RBFOX1: variants seen among roughly 807,000 people sequenced by gnomAD.
RBFOX1 encodes the protein RNA binding fox-1 homolog 1, also known as RNA binding protein fox-1 homolog 1.
In RBFOX1, 8 loss-of-function variants were observed where a neutral mutation model predicts 57.7. The ratio of observed to expected loss-of-function variants is 0.14; its 90% CI spans 0.08 to 0.25. RBFOX1 has a LOEUF of 0.25. RBFOX1 is among the 10% of genes least tolerant of loss of function. The pLI is 1.00. For missense variants in RBFOX1, 611 were observed against 548.5 expected (o/e 1.11, Z -1.14); for synonymous variants, 326 against 222.4 (o/e 1.47, Z -4.15).
At chr16:5,595,620 A>T (rs527794345) in intron 2 of RBFOX1, among the ~76,000 whole-genome samples, 19 of 152,304 alleles carry the variant, frequency 1.2e-4, no homozygotes, top group African/African-American at 4.3e-4. Context: ...AATGATATGG[A>T]GGCTTATTGT....
intron 2 of RBFOX1, among the ~76,000 whole-genome samples, chr16:6,653,953 A>C (rs9922746): frequency 1.5e-4 from 20 of 137,192 alleles, no homozygotes; most frequent in Non-Finnish European, 3.1e-5. Flanking sequence ...AGGGTGGATG[A>C]AGGATGGATG....
chr16:6,925,817 T>A (rs2075472043), intron 3 of RBFOX1, among the ~76,000 whole-genome samples: 1 of 152,112 alleles, frequency 6.6e-6, no homozygotes, highest in East Asian at 1.9e-4. Flanking sequence ...CCTGGCGAAA[T>A]TACCTTTGGT....
intron 1 of RBFOX1, among the ~76,000 whole-genome samples, chr16:5,334,387 A>C (rs1253041767): frequency 6.6e-6 from 1 of 152,186 alleles, no homozygotes; most frequent in East Asian, 1.9e-4. Context: ...TTAAAATGGC[A>C]GTGCTTGTTC....
At chr16:6,509,485 A>C (rs1035678893) in intron 2 of RBFOX1, among the ~76,000 whole-genome samples, 1 of 152,156 alleles carries the variant, frequency 6.6e-6, no homozygotes, top group Non-Finnish European at 1.5e-5. Flanking sequence ...TAACACTTAA[A>C]ATAATTGAAC....
chr16:7,505,501 T>C (rs1036371477), intron 4 of RBFOX1, among the ~76,000 whole-genome samples: 2 of 152,226 alleles, frequency 1.3e-5, no homozygotes, highest in East Asian at 1.9e-4. Flanking sequence ...TTTGGAATTA[T>C]CACCTCAGAA....
intron 1 of RBFOX1, among the ~76,000 whole-genome samples, chr16:5,426,714 G>A (rs749729503): frequency 4.0e-4 from 61 of 152,092 alleles, no homozygotes; most frequent in South Asian, 6.2e-4. Context: ...TTCTGTTATC[G>A]CTCCAGGGAA....
chr16:7,024,371 G>C (rs1317691767), intron 3 of RBFOX1, among the ~76,000 whole-genome samples: 1 of 152,156 alleles, frequency 6.6e-6, no homozygotes, highest in East Asian at 1.9e-4. Flanking sequence ...GGGCAGTTGA[G>C]TGCAATGAAG....
intron 1 of RBFOX1, among the ~76,000 whole-genome samples, chr16:5,351,394 G>A (rs1025300285): frequency 5.3e-5 from 8 of 152,298 alleles, no homozygotes; most frequent in East Asian, 1.9e-4. Flanking sequence ...GAATAGTTAA[G>A]TGATTAGGGG....
intron 3 of RBFOX1, among the ~76,000 whole-genome samples, chr16:5,672,351 C>T (rs538123168): frequency 2.6e-4 from 40 of 152,244 alleles, no homozygotes; most frequent in African/African-American, 8.7e-4. Flanking sequence ...TGACTTCATG[C>T]CTGGTGCTGT....
chr16:7,117,891 G>T (rs921640384), intron 4 of RBFOX1, among the ~76,000 whole-genome samples: 22 of 152,132 alleles, frequency 1.4e-4, no homozygotes, highest in African/African-American at 5.1e-4. Flanking sequence ...ATTCGTGGCT[G>T]CTTGCTTCTG....
intron 4 of RBFOX1, among the ~76,000 whole-genome samples, chr16:7,090,200 A>G (rs1040145816): frequency 2.6e-5 from 4 of 152,184 alleles, no homozygotes; most frequent in African/African-American, 9.7e-5. Context: ...CATGGATATA[A>G]AAGTGAAAAT....
At chr16:6,487,985 A>C (rs923574373) in intron 2 of RBFOX1, among the ~76,000 whole-genome samples, 1 of 152,022 alleles carries the variant, frequency 6.6e-6, no homozygotes, top group Non-Finnish European at 1.5e-5. Context: ...TGTTCACACA[A>C]AGAGTGTACA....
At chr16:6,109,859 A>G (rs557893077) in intron 1 of RBFOX1, among the ~76,000 whole-genome samples, 5 of 152,360 alleles carry the variant, frequency 3.3e-5, no homozygotes, top group African/African-American at 1.2e-4. Context: ...AGGATATTAT[A>G]TAAATTTCTT....
At chr16:5,311,409 G>C (rs1046415693) in intron 1 of RBFOX1, among the ~76,000 whole-genome samples, 2 of 151,944 alleles carry the variant, frequency 1.3e-5, no homozygotes, top group African/African-American at 4.8e-5. Context: ...CTTTTGGGTG[G>C]GTACCCAGTA....
intron 2 of RBFOX1, among the ~76,000 whole-genome samples, chr16:6,493,425 C>A (rs966419781): frequency 2.6e-5 from 4 of 152,120 alleles, no homozygotes; most frequent in African/African-American, 9.7e-5. Flanking sequence ...AATCATGATC[C>A]TTATCCTCCC....
rs188986018 is a variant in RBFOX1 at position 6,227,464 on chromosome 16, G to T, written c.-126-89531G>T. On this transcript the variant is annotated intron_variant, in intron 1 of 15. Transcript: ENST00000550418. ...AAAACAAACAACAGTAGCAAACCTT[G>T]ATTTCTCAGGGTTTTTTTTGCATTT... Among the ~76,000 whole-genome samples, 17 of 152,264 alleles carry T rather than the reference G, an allele frequency of 1.1e-4. No individual in the cohort carries two copies. In the East Asian group the frequency reaches 3.3e-3, roughly 29 times the overall value.
intron 4 of RBFOX1, among the ~76,000 whole-genome samples, chr16:7,360,462 C>G (rs372257437): frequency 3.3e-5 from 5 of 152,224 alleles, no homozygotes; most frequent in South Asian, 2.1e-4. Flanking sequence ...TGGGAGAAGC[C>G]TTTACTAATT....
intron 3 of RBFOX1, among the ~76,000 whole-genome samples, chr16:6,815,048 C>T (rs935196136): frequency 6.6e-6 from 1 of 152,132 alleles, no homozygotes; most frequent in Non-Finnish European, 1.5e-5. Context: ...ATGGATTATT[C>T]ATAGTTTTTC....
At chr16:6,652,226 A>T (rs920223279) in intron 2 of RBFOX1, among the ~76,000 whole-genome samples, 65 of 152,152 alleles carry the variant, frequency 4.3e-4, no homozygotes, top group Admixed American at 7.9e-4. Flanking sequence ...CGAGGCGGGC[A>T]GATCACTAGG....
Sources: allele counts gnomAD v4.1 joint callset (sites outside exome capture counted in the v4.1 genomes callset), GRCh38; gene constraint gnomAD v4.1.1; transcripts MANE v1.5; gene names NCBI Gene and HGNC (gene_info 2026-07-23, HGNC 2026-07-21).